Variants in EXOSC10 observed in about 807,000 individuals in gnomAD.
EXOSC10 encodes exosome complex component 10.
A neutral mutation model predicts 126.6 loss-of-function variants in EXOSC10; 94 were observed. The ratio of observed to expected loss-of-function variants is 0.74; its 90% CI spans 0.63 to 0.88. EXOSC10 has a LOEUF of 0.88. Ranked by LOEUF, EXOSC10 falls within the 40% of genes least tolerant of loss-of-function variation. The pLI is 0.00. For synonymous variants in EXOSC10, 395 were observed against 400.8 expected (o/e 0.99, Z 0.17); for missense variants, 1,041 against 1,100.5 (o/e 0.95, Z 0.77).
chr1:11,090,915 G>C, intron 5 of EXOSC10, 99 bp downstream of exon 5: 1 of 1,302,756 alleles, frequency 7.7e-7, no homozygotes, highest in East Asian at 2.3e-5. Context: ...AAAGGAGGGT[G>C]GGCTCCCTTT....
At chr1:11,074,094 G>T in intron 18 of EXOSC10, 86 bp from the exon 19 acceptor site, 1 of 1,440,702 alleles carries the variant, frequency 6.9e-7, no homozygotes, top group Non-Finnish European at 9.8e-7. Flanking sequence ...GGGGGTTGCT[G>T]GTGCCTTGTC....
At chr1:11,067,301 G>T (rs541379323) in intron 24 of EXOSC10, among the ~76,000 whole-genome samples, 1 of 152,096 alleles carries the variant, frequency 6.6e-6, no homozygotes, top group Non-Finnish European at 1.5e-5. Context: ...GCATCATGGC[G>T]GGCGCCTGTG....
In EXOSC10 at chr1:11,080,839, G is replaced by A; in HGVS notation, c.1511C>T (p.Thr504Ile). The change falls in exon 12 of 25, where the codon ACA (threonine) becomes ATA (isoleucine). Residue 504 changes from threonine to isoleucine, a missense_variant. By Grantham distance (89) the Thr-to-Ile change is moderately conservative. Around this residue, in one of 3 missense-constraint regions of EXOSC10, gnomAD observed 645 missense variants for 656.3 expected, o/e 0.98. Coordinates refer to ENST00000376936, the MANE Select transcript of EXOSC10 (RefSeq NM_001001998.3). Reference protein sequence around the residue: ...LYRKQKKHLNTQQLTAFQLLF... With the variant: ...LYRKQKKHLNIQQLTAFQLLF... ...CAGCTGAAAGGCTGTCAACTGCTGT[G>A]TGTTAAGGTGCTTCTTCTGCTTCCT... is the stretch of plus-strand genomic sequence containing the variant. The A allele has an allele frequency of 1.2e-6, 2 of 1,614,132 alleles. No homozygotes were observed. The highest frequency in any genetic ancestry group is 2.2e-5 in the East Asian group (1 of 44,890).
At chr1:11,076,775 C>T in intron 17 of EXOSC10, 67 bp downstream of exon 17, 1 of 1,223,554 alleles carries the variant, frequency 8.2e-7, no homozygotes, top group South Asian at 1.2e-5. Flanking sequence ...GGCAGACAGC[C>T]TGCTGAATAA....
intron 10 of EXOSC10, among the ~76,000 whole-genome samples, chr1:11,081,953 ACGCCT>A (rs1252152033): frequency 6.6e-6 from 1 of 151,892 alleles, no homozygotes; most frequent in African/African-American, 2.4e-5. Flanking sequence ...GTGGTGGTGC[ACGCCT>A]GTAATCCTAG....
chr1:11,099,862 A>T lies in EXOSC10; in HGVS notation c.-31T>A. The T allele has an allele frequency of 6.4e-7, 1 of 1,569,180 alleles. No individual in the cohort carries two copies. The highest frequency in any genetic ancestry group is 1.1e-5 in the South Asian group (1 of 87,010). The stretch of plus-strand genomic sequence containing the variant: ...CAGCCTGCACGGCTCGTCTCGCGAG[A>T]GCTTGTCGGCCGAGGAGACGGGACG... On this transcript the variant is annotated 5_prime_UTR_variant, in exon 1 of 25. Transcript: ENST00000376936.
intron 22 of EXOSC10, among the ~76,000 whole-genome samples, chr1:11,069,123 C>T (rs1014061455): frequency 3.9e-5 from 6 of 152,042 alleles, no homozygotes; most frequent in Non-Finnish European, 4.4e-5. Flanking sequence ...CTGCTAGAGT[C>T]GAGAATGCCA....
intron 12 of EXOSC10, 86 bp from the exon 13 acceptor site, chr1:11,080,635 G>A: frequency 1.2e-6 from 2 of 1,602,308 alleles, no homozygotes; most frequent in Non-Finnish European, 8.5e-7. Flanking sequence ...CAGCCAGTAA[G>A]TTCCATTAGA....
At chr1:11,094,271 C>T (rs1294818441) in intron 3 of EXOSC10, among the ~76,000 whole-genome samples, 1 of 151,860 alleles carries the variant, frequency 6.6e-6, no homozygotes. Context: ...AGCCACTGAC[C>T]CTGGCCAGAA....
intron 9 of EXOSC10, among the ~76,000 whole-genome samples, chr1:11,083,146 A>C (rs1640263072): frequency 6.6e-6 from 1 of 152,128 alleles, no homozygotes; most frequent in Admixed American, 6.5e-5. Flanking sequence ...ACGGGGTTTC[A>C]CTATGTTCCC....
rs2100253423 is a variant in EXOSC10, at chr1:11,099,525, G to A, written c.111+196C>T. 3 of 529,824 alleles carry A rather than the reference G, an allele frequency of 5.7e-6. No homozygotes were observed. In the South Asian group the frequency reaches 9.7e-5, roughly 17 times the overall value. 32.8% of individuals were successfully genotyped at this position (529,824 alleles called of 1,614,324 possible). The stretch of plus-strand genomic sequence containing the variant: ...CCTCCATGGACTTAGGCTCGCAAGC[G>A]GGACGCCCCTCAGTGTCCGTTTCCG... On this transcript the variant is annotated intron_variant, in intron 1 of 24. Transcript: ENST00000376936.
At position 11,082,892 on chromosome 1, in the gene EXOSC10, CAA is replaced by C; in HGVS notation, c.1090-16_1090-15del. 1.2e-6 allele frequency: 2 copies of C among 1,605,916 alleles called. No individual in the cohort carries two copies. The highest frequency in any genetic ancestry group is 1.7e-6 in the Non-Finnish European group (2 of 1,172,690). ...ACCATGAAAGACCTGAAAACAGAAC[CAA>C]AGTCATGCAGTACACTGGTAGCAGG... On this transcript the variant is annotated splice_polypyrimidine_tract_variant and intron_variant, in intron 9 of 24. Coordinates refer to ENST00000376936, the MANE Select transcript of EXOSC10 (RefSeq NM_001001998.3).
intron 19 of EXOSC10, among the ~76,000 whole-genome samples, chr1:11,073,362 G>T (rs1415991495): frequency 6.6e-6 from 1 of 152,022 alleles, no homozygotes; most frequent in African/African-American, 2.4e-5. Context: ...TCGATCTCCT[G>T]ACCTCATGAT....
At chr1:11,088,235 T>A in intron 6 of EXOSC10, 37 bp from the exon 7 acceptor site, 1 of 1,483,078 alleles carries the variant, frequency 6.7e-7, no homozygotes, top group Non-Finnish European at 9.3e-7. Context: ...TCATTCTGAT[T>A]AATTCCATGA....
chr1:11,084,734 C>T (rs1197002004), intron 9 of EXOSC10, among the ~76,000 whole-genome samples: 4 of 152,148 alleles, frequency 2.6e-5, no homozygotes, highest in African/African-American at 9.7e-5. Context: ...CCTAGGTTTC[C>T]TTCTAGGGTT....
intron 17 of EXOSC10, among the ~76,000 whole-genome samples, chr1:11,075,729 T>C (rs1639771765): frequency 1.3e-5 from 2 of 151,964 alleles, no homozygotes; most frequent in Non-Finnish European, 2.9e-5. Flanking sequence ...CATACACCTG[T>C]AGTCCCAGCT....
chr1:11,071,934 G>T (rs1018308709), intron 20 of EXOSC10, 153 bp downstream of exon 20: 2 of 617,478 alleles, frequency 3.2e-6, no homozygotes, highest in Non-Finnish European at 5.7e-6. Context: ...GCTGCCATCT[G>T]CCAGGATAGA....
Position 11,068,086 on chromosome 1 carries a change from T to C in EXOSC10, c.2551-2A>G. ...AATTTTTTTGGCTGCAATGCATTTC[T>C]GAAAAGAAAAGAAACCGTTTAAGCT... On this transcript the variant is annotated splice_acceptor_variant, in intron 23 of 24. Transcript: ENST00000376936. LOFTEE classifies it high-confidence loss of function. 3 of 1,613,964 alleles carry C rather than the reference T, an allele frequency of 1.9e-6. No homozygotes were observed. The highest frequency in any genetic ancestry group is 2.5e-6 in the Non-Finnish European group (3 of 1,179,868).
intron 1 of EXOSC10, 108 bp downstream of exon 1, chr1:11,099,613 C>A: frequency 7.8e-7 from 1 of 1,287,234 alleles, no homozygotes; most frequent in Non-Finnish European, 1.0e-6. Context: ...CCCCGCGACC[C>A]TCGCTCGGGC....
Sources: gnomAD v4.1 joint callset for allele counts (sites outside exome capture counted in the v4.1 genomes callset) on GRCh38, gnomAD v4.1.1 for gene constraint, gnomAD v4.1.1 regional missense constraint, MANE v1.5 for transcripts, NCBI Gene and HGNC (gene_info 2026-07-23, HGNC 2026-07-21) for gene names.